Variants in DLG2 observed in about 807,000 individuals in gnomAD.
The protein encoded by DLG2 is discs large MAGUK scaffold protein 2, also known as disks large homolog 2.
Under a neutral mutation model 132.5 loss-of-function variants are expected in DLG2, and 45 were observed. That is an observed-to-expected ratio of 0.34 (90% confidence interval 0.27 to 0.44). The LOEUF (loss-of-function observed/expected upper bound fraction) is 0.44. DLG2 is among the 20% of genes least tolerant of loss of function. The pLI is 1.00. For synonymous variants in DLG2, 424 were observed against 419.6 expected (o/e 1.01, Z -0.13); for missense variants, 1,045 against 1,196.9 (o/e 0.87, Z 1.87).
At chr11:84,859,402 A>ATG (rs1412754244) in intron 6 of DLG2, among the ~76,000 whole-genome samples, 9 of 145,286 alleles carry the variant, frequency 6.2e-5, no homozygotes, top group Non-Finnish European at 1.3e-4. Flanking sequence ...ATATATGTAT[A>ATG]TATACATATA....
intron 4 of DLG2, among the ~76,000 whole-genome samples, chr11:85,175,947 C>T (rs2079205016): frequency 6.6e-6 from 1 of 152,072 alleles, no homozygotes; most frequent in African/African-American, 2.4e-5. Flanking sequence ...TAAATCACTG[C>T]TCAAGGAAAT....
At position 85,095,359 on chromosome 11, in the gene DLG2, G is replaced by A. The variant is rs148860363; in HGVS notation, c.357+16302C>T. ...CACAGTATCTGTGAAATTCAGTAAA[G>A]TGAAGGTGCAATAAAATGAGTCATT... On this transcript the variant is annotated intron_variant, in intron 6 of 27. Transcript: ENST00000376104. Among the ~76,000 whole-genome samples the A allele has an allele frequency of 2.4e-3, 370 of 152,246 alleles. 2 individuals are homozygous for A. Among genetic ancestry groups the A allele is most frequent in the Non-Finnish European group, 4.0e-3 (270 of 67,992 alleles).
chr11:85,571,053 T>A (rs904121120), intron 3 of DLG2, among the ~76,000 whole-genome samples: 10 of 152,162 alleles, frequency 6.6e-5, no homozygotes, highest in African/African-American at 2.4e-4. Flanking sequence ...TCTTTGAACA[T>A]ATTTAAAACA....
chr11:84,086,400 A>C (rs1282806375), intron 10 of DLG2, among the ~76,000 whole-genome samples: 1 of 152,076 alleles, frequency 6.6e-6, no homozygotes, highest in Non-Finnish European at 1.5e-5. Flanking sequence ...TGCATAATTC[A>C]GTGTTTTTTT....
At chr11:85,007,278 T>C (rs1427943316) in intron 6 of DLG2, among the ~76,000 whole-genome samples, 1 of 152,162 alleles carries the variant, frequency 6.6e-6, no homozygotes, top group African/African-American at 2.4e-5. Context: ...CAAGATAATC[T>C]ATGTGAAATG....
intron 4 of DLG2, among the ~76,000 whole-genome samples, chr11:85,279,467 G>A (rs1423510151): frequency 6.6e-6 from 1 of 152,060 alleles, no homozygotes; most frequent in Non-Finnish European, 1.5e-5. Context: ...TTGCCAGGCT[G>A]CTATAATAAA....
chr11:85,180,828 C>G (rs1180062189), intron 4 of DLG2, among the ~76,000 whole-genome samples: 1 of 151,754 alleles, frequency 6.6e-6, no homozygotes, highest in Non-Finnish European at 1.5e-5. Flanking sequence ...TGAACCCAGA[C>G]TGGAACTCAG....
intron 7 of DLG2, among the ~76,000 whole-genome samples, chr11:84,281,675 A>C (rs1289262960): frequency 2.0e-5 from 3 of 151,196 alleles, no homozygotes; most frequent in Non-Finnish European, 4.4e-5. Flanking sequence ...TTAAAATTCA[A>C]TCAGAAAAAA....
chr11:85,022,305 G>C (rs1259240375), intron 6 of DLG2, among the ~76,000 whole-genome samples: 2 of 151,904 alleles, frequency 1.3e-5, no homozygotes, highest in Non-Finnish European at 2.9e-5. Flanking sequence ...AAACTGGTAA[G>C]AAATAGAACA....
At chr11:84,838,513 A>G (rs981191812) in intron 6 of DLG2, among the ~76,000 whole-genome samples, 33 of 151,978 alleles carry the variant, frequency 2.2e-4, no homozygotes, top group African/African-American at 8.0e-4. Flanking sequence ...GTCAACTGCT[A>G]CAACCACTTG....
intron 16 of DLG2, among the ~76,000 whole-genome samples, chr11:83,848,166 C>T (rs2059002007): frequency 6.9e-6 from 1 of 145,670 alleles, no homozygotes; most frequent in Admixed American, 6.9e-5. Flanking sequence ...TGTAAGGACA[C>T]TTATCTTACA....
chr11:85,497,958 C>T (rs1431943496), intron 3 of DLG2, among the ~76,000 whole-genome samples: 1 of 152,164 alleles, frequency 6.6e-6, no homozygotes, highest in Non-Finnish European at 1.5e-5. Flanking sequence ...ACAACTGGTA[C>T]CAGCCACTGC....
intron 6 of DLG2, among the ~76,000 whole-genome samples, chr11:84,549,439 A>C (rs1350108486): frequency 6.6e-6 from 1 of 152,204 alleles, no homozygotes; most frequent in Non-Finnish European, 1.5e-5. Context: ...AAAAGCTAGA[A>C]ACATGTTTTG....
chr11:85,328,970 A>G (rs1052170132), intron 3 of DLG2, among the ~76,000 whole-genome samples: 4 of 123,192 alleles, frequency 3.2e-5, no homozygotes, highest in African/African-American at 1.3e-4. Flanking sequence ...AAGCATTCTT[A>G]TACACCAACA....
intron 9 of DLG2, among the ~76,000 whole-genome samples, chr11:84,134,995 A>T (rs2094551593): frequency 6.6e-6 from 1 of 152,082 alleles, no homozygotes; most frequent in Non-Finnish European, 1.5e-5. Context: ...TTGGGTGACT[A>T]AAGTCAAAAT....
At chr11:84,146,787 T>C (rs1482469638) in intron 9 of DLG2, among the ~76,000 whole-genome samples, 2 of 152,154 alleles carry the variant, frequency 1.3e-5, no homozygotes, top group Non-Finnish European at 2.9e-5. Context: ...GGAAGGCTCA[T>C]GTAGACATAG....
rs76509788 is a variant in DLG2, at chr11:85,403,313, C to T, written c.41-117948G>A. 1.8e-3 allele frequency among the ~76,000 whole-genome samples: 269 copies of T among 151,666 alleles called. 1 individual carries two copies. The highest frequency in any genetic ancestry group is 2.5e-3 in the East Asian group (13 of 5,128). On this transcript the variant is annotated intron_variant, in intron 3 of 27. Coordinates refer to ENST00000376104, the MANE Select transcript of DLG2 (RefSeq NM_001142699.3). ...CAACAAGAACGCATGCACACAGGGT[C>T]GGGTACATCAAACATTGGGGCCTGT... is the stretch of plus-strand genomic sequence containing the variant.
chr11:84,303,855 A>G (rs1241745127), intron 7 of DLG2, among the ~76,000 whole-genome samples: 3 of 152,196 alleles, frequency 2.0e-5, no homozygotes, highest in Non-Finnish European at 4.4e-5. Context: ...TGATCTTAAG[A>G]CACCTGCATA....
Position 84,663,247 on chromosome 11 carries a change from ATAT to A in DLG2, c.358-128519_358-128517del, listed in dbSNP as rs1364208122. 1.5e-3 allele frequency among the ~76,000 whole-genome samples: 118 copies of A among 79,640 alleles called. 2 individuals are homozygous for A. The highest frequency in any genetic ancestry group is 6.2e-3 in the African/African-American group (112 of 18,086). The allele number at this position is 79,640 out of a possible 152,430, so 52.2% of individuals were successfully genotyped here. A position where few individuals can be genotyped will look rare whatever the true frequency, so the allele number is the denominator to read the frequency against. ...TTACAGGTTATATATATATATATATATATTTTTTTTTCATATATTCTGCATGGT... is the reference window on the plus strand; with the variant it reads ...TTACAGGTTATATATATATATATATATTTTTTTTCATATATTCTGCATGGT... On this transcript the variant is annotated intron_variant, in intron 6 of 27. Transcript: ENST00000376104.
Sources: gnomAD v4.1 joint callset for allele counts (sites outside exome capture counted in the v4.1 genomes callset) on GRCh38, gnomAD v4.1.1 for gene constraint, MANE v1.5 for transcripts, NCBI Gene and HGNC (gene_info 2026-07-23, HGNC 2026-07-21) for gene names.